Variants in MGAT3 observed in about 807,000 individuals in gnomAD.
MGAT3 encodes beta-1,4-mannosyl-glycoprotein 4-beta-N-acetylglucosaminyltransferase, also known as GlcNAc-T III.
In MGAT3, 9 loss-of-function variants were observed where a neutral mutation model predicts 29.8. That is an observed-to-expected ratio of 0.30 (90% CI 0.18 to 0.53). The LOEUF is 0.53. Among genes scored for constraint, MGAT3 ranks in the 20% least tolerant of loss-of-function variants. MGAT3 has a pLI of 0.96. For synonymous variants in MGAT3, 397 were observed against 348.9 expected, an observed-to-expected ratio of 1.14 and a Z score of -1.54; for missense variants, 557 against 769.5, an observed-to-expected ratio of 0.72 and a Z score of 3.27.
Position 39,487,584 on chromosome 22 carries a change from C to T in MGAT3, c.237C>T (p.Pro79=), listed in dbSNP as rs1219837654. 6.2e-7 allele frequency: 1 copy of T among 1,611,680 alleles called. No individual in the cohort carries two copies. The highest frequency in any genetic ancestry group is 8.5e-7 in the Non-Finnish European group (1 of 1,179,476). The change falls in exon 2 of 2, where the codon CCC becomes CCT. Residue 79 remains proline (P), a synonymous_variant. Transcript: ENST00000341184. This position sits in a 1 kb window ranked among gnomAD's most constrained non-coding sequence, Gnocchi z 5.7. ...GTACCCCACTCTACTCCCACTCGCC[C>T]CTGCTGCAGCCGCTGCCGCCCAGCA... is the stretch of plus-strand genomic sequence containing the variant. ...LLRTPLYSHS[P]LLQPLPPSKA...
intron 1 of MGAT3, among the ~76,000 whole-genome samples, chr22:39,481,511 G>T (rs1929126526): frequency 6.6e-6 from 1 of 152,234 alleles, no homozygotes. Flanking sequence ...ACCCACCGAG[G>T]TGCCTGGCAC....
At chr22:39,472,069 G>A (rs1045773706) in intron 1 of MGAT3, among the ~76,000 whole-genome samples, 28 of 152,080 alleles carry the variant, frequency 1.8e-4, no homozygotes, top group African/African-American at 6.8e-4. Flanking sequence ...AGGGTAGGGT[G>A]TGATTTCTGT....
chr22:39,481,498 A>G (rs1601727512), intron 1 of MGAT3, among the ~76,000 whole-genome samples: 1 of 152,178 alleles, frequency 6.6e-6, no homozygotes, highest in African/African-American at 2.4e-5. Flanking sequence ...CCATGTTCCC[A>G]GTACCCACCG....
intron 1 of MGAT3, among the ~76,000 whole-genome samples, chr22:39,464,023 A>G (rs1049741205): frequency 3.3e-5 from 5 of 151,416 alleles, no homozygotes; most frequent in African/African-American, 9.7e-5. Context: ...AGATTTCCCA[A>G]TCCCCAACCC....
intron 1 of MGAT3, among the ~76,000 whole-genome samples, chr22:39,475,248 G>A (rs960921244): frequency 6.6e-6 from 1 of 151,192 alleles, no homozygotes; most frequent in Non-Finnish European, 1.5e-5. Flanking sequence ...TTTTGGGGGC[G>A]AGTCCCTGGG....
chr22:39,489,051 G>A lies in MGAT3; in HGVS notation c.*102G>A, dbSNP rs1929377858. On this transcript the variant is annotated 3_prime_UTR_variant, in exon 2 of 2. Transcript: ENST00000341184. ...GGCTCCTTGGTTCTTGAGGGGACCAGGAGTGGGTGGGGAGTGGGGGTGGGG... is the reference window on the plus strand; with the variant it reads ...GGCTCCTTGGTTCTTGAGGGGACCAAGAGTGGGTGGGGAGTGGGGGTGGGG... 7.4e-7 allele frequency: 1 copy of A among 1,353,462 alleles called. No individual in the cohort carries two copies. The highest frequency in any genetic ancestry group is 1.5e-5 in the South Asian group (1 of 66,094). 83.8% of individuals were successfully genotyped at this position (1,353,462 alleles called of 1,614,324 possible).
At chr22:39,465,926 C>T (rs1241796983) in intron 1 of MGAT3, among the ~76,000 whole-genome samples, 5 of 146,644 alleles carry the variant, frequency 3.4e-5, no homozygotes, top group South Asian at 2.1e-4. Context: ...AGTGAGACTC[C>T]GTCTTAAAAA....
Position 39,466,781 on chromosome 22 carries a change from T to C in MGAT3, c.-2+9224T>C, listed in dbSNP as rs531102296. On this transcript the variant is annotated intron_variant, in intron 1 of 1. Coordinates refer to ENST00000341184, the MANE Select transcript of MGAT3 (RefSeq NM_002409.5). Reference sequence around the variant, plus strand: ...GTTACTGACCCCGGCCTCTAAGTGCTTTTCCCACTATCCTCCTACACACGG... The same window carrying C: ...GTTACTGACCCCGGCCTCTAAGTGCCTTTCCCACTATCCTCCTACACACGG... Among the ~76,000 whole-genome samples, 21 of 152,370 alleles carry C rather than the reference T, an allele frequency of 1.4e-4. 1 individual carries two copies. In the South Asian group the frequency reaches 3.9e-3, roughly 29 times the overall value.
At chr22:39,477,714 G>T (rs1029532811) in intron 1 of MGAT3, 1 of 152,244 alleles carries the variant, frequency 6.6e-6, no homozygotes, top group African/African-American at 2.4e-5. Context: ...GAGAAGCTAA[G>T]TAACTTGCCA....
rs967656556 is a variant in MGAT3 at position 39,486,398 on chromosome 22, C to T, written c.-1-949C>T. ...GACCTTGTGATCTGCCCACCTCGGC[C>T]TCCCAAAGTGCTGGGATTATAGGCG... On this transcript the variant is annotated intron_variant, in intron 1 of 1. Coordinates refer to ENST00000341184, the MANE Select transcript of MGAT3 (RefSeq NM_002409.5). 15 of 229,290 alleles carry T rather than the reference C, an allele frequency of 6.5e-5. No homozygotes were observed. In the South Asian group the frequency reaches 6.8e-4, roughly 10 times the overall value. The allele number at this position is 229,290 out of a possible 1,614,324, so 14.2% of individuals were successfully genotyped here. A position where few individuals can be genotyped will look rare whatever the true frequency, so the allele number is the denominator to read the frequency against.
chr22:39,489,284 T>A lies in MGAT3; in HGVS notation c.*335T>A. ...GTAGGCAGGATTGGGGAAGAGAGCC[T>A]GCAGGATCTCACCAGGCAGCCTCTG... On this transcript the variant is annotated 3_prime_UTR_variant, in exon 2 of 2. Transcript: ENST00000341184. 1 of 339,182 alleles carries A rather than the reference T, an allele frequency of 2.9e-6. No individual in the cohort carries two copies. The highest frequency in any genetic ancestry group is 5.7e-5 in the East Asian group (1 of 17,662). The allele number at this position is 339,182 out of a possible 1,614,324, so 21.0% of individuals were successfully genotyped here.
At position 39,457,246 on chromosome 22, in the gene MGAT3, C is replaced by CCG. The variant is rs1928354808; in HGVS notation, c.-307_-306dup. The CCG allele has an allele frequency of 6.9e-6, 1 of 145,770 alleles. No individual in the cohort carries two copies. Among genetic ancestry groups the CCG allele is most frequent in the African/African-American group, 2.5e-5 (1 of 40,694 alleles). 9.0% of individuals were successfully genotyped at this position (145,770 alleles called of 1,614,324 possible). On this transcript the variant is annotated 5_prime_UTR_variant, in exon 1 of 2. Transcript: ENST00000341184. The surrounding 1 kb of genome is among the most constrained non-coding windows in gnomAD (Gnocchi z 6.8). ...GCGCTCGGCCTCGCCTCCGCGCCCC[C>CCG]CGCGCGCCCGCCGCGGTCCCTCCCC... is the stretch of plus-strand genomic sequence containing the variant.
At chr22:39,477,186 T>C (rs1484188658) in intron 1 of MGAT3, among the ~76,000 whole-genome samples, 2 of 152,130 alleles carry the variant, frequency 1.3e-5, no homozygotes, top group South Asian at 2.1e-4. Flanking sequence ...CCCAAAGGGA[T>C]TGGAATGGGC....
chr22:39,470,942 G>A (rs919253528), intron 1 of MGAT3, among the ~76,000 whole-genome samples: 2 of 152,134 alleles, frequency 1.3e-5, no homozygotes, highest in Non-Finnish European at 2.9e-5. Context: ...CTCGCCCCAC[G>A]CTGACTCCTG....
intron 1 of MGAT3, among the ~76,000 whole-genome samples, chr22:39,480,092 T>G (rs149420962): frequency 8.5e-5 from 13 of 152,242 alleles, no homozygotes; most frequent in South Asian, 2.1e-4. Context: ...TTGATGATGA[T>G]GAGGAGCTGG....
chr22:39,488,901 C>G lies in MGAT3; in HGVS notation c.1554C>G (p.Pro518=), dbSNP rs202126201. The change falls in exon 2 of 2, where the codon CCC becomes CCG. Residue 518 remains proline, a synonymous_variant. Transcript: ENST00000341184. ...TAAGGWRHRG[P]EGRPPARGKL... ...CGGGCGGGTGGCGCCACAGGGGTCC[C>G]GAGGGAAGGCCGCCCGCCCGGGGCA... The G allele has an allele frequency of 3.6e-4, 579 of 1,601,600 alleles. 1 individual carries two copies. In the African/African-American group the frequency reaches 6.9e-3, roughly 19 times the overall value.
chr22:39,466,446 T>C (rs918497254), intron 1 of MGAT3, among the ~76,000 whole-genome samples: 1 of 152,220 alleles, frequency 6.6e-6, no homozygotes, highest in Non-Finnish European at 1.5e-5. Context: ...CAAACACCTC[T>C]GACCTCCTTC....
rs191919319 is a variant in MGAT3, at chr22:39,490,885, G to T, written c.*1936G>T. ...CCTGCAGCTCCCCAAAATGACTGAG[G>T]CAGAAAGCCCTTGGGGAGCCTAGAA... is the stretch of plus-strand genomic sequence containing the variant. On this transcript the variant is annotated 3_prime_UTR_variant, in exon 2 of 2. Coordinates refer to ENST00000341184, the MANE Select transcript of MGAT3 (RefSeq NM_002409.5). 4.8e-5 allele frequency: 8 copies of T among 166,962 alleles called. No individual in the cohort carries two copies. In the South Asian group the frequency reaches 8.3e-4, roughly 17 times the overall value. 10.3% of individuals were successfully genotyped at this position (166,962 alleles called of 1,614,324 possible).
intron 1 of MGAT3, among the ~76,000 whole-genome samples, chr22:39,466,377 T>C (rs1928646850): frequency 6.6e-6 from 1 of 152,050 alleles, no homozygotes; most frequent in African/African-American, 2.4e-5. Flanking sequence ...TTCCTGGAAA[T>C]TGGGTCATGG....
Sources: allele counts gnomAD v4.1 joint callset (sites outside exome capture counted in the v4.1 genomes callset), GRCh38; gene constraint gnomAD v4.1.1; non-coding constraint Gnocchi (gnomAD v3.1); transcripts MANE v1.5; gene names NCBI Gene and HGNC (gene_info 2026-07-23, HGNC 2026-07-21).